Variants in NRXN1 observed in about 807,000 individuals in gnomAD.
NRXN1 encodes the protein neurexin-1.
Under a neutral mutation model 150.9 loss-of-function variants are expected in NRXN1, and 39 were observed. That is an observed-to-expected ratio of 0.26 (90% CI 0.20 to 0.34). NRXN1 has a LOEUF of 0.34. Ranked by LOEUF, NRXN1 falls within the 10% of genes least tolerant of loss-of-function variation. NRXN1 has a pLI of 1.00. For synonymous variants in NRXN1, 924 were observed against 757.0 expected, an observed-to-expected ratio of 1.22 and a Z score of -3.62; for missense variants, 1,815 against 1,949.9, an observed-to-expected ratio of 0.93 and a Z score of 1.30.
At chr2:50,771,962 G>C (rs952420927) in intron 5 of NRXN1, among the ~76,000 whole-genome samples, 1 of 152,054 alleles carries the variant, frequency 6.6e-6, no homozygotes, top group African/African-American at 2.4e-5. Flanking sequence ...TGCCATAGCA[G>C]GTAAGGGTCT....
intron 21 of NRXN1, among the ~76,000 whole-genome samples, chr2:50,044,919 AT>A (rs139438367): frequency 6.6e-6 from 1 of 152,276 alleles, no homozygotes; most frequent in Non-Finnish European, 1.5e-5. Flanking sequence ...TACACTGCCT[AT>A]TTTGTTTTGT....
chr2:50,725,726 A>G (rs1171809275), intron 5 of NRXN1, among the ~76,000 whole-genome samples: 1 of 152,210 alleles, frequency 6.6e-6, no homozygotes, highest in Non-Finnish European at 1.5e-5. Context: ...CATTACATAT[A>G]ACTACAAAAG....
intron 5 of NRXN1, among the ~76,000 whole-genome samples, chr2:50,770,415 C>T (rs1702875782): frequency 6.6e-6 from 1 of 151,764 alleles, no homozygotes; most frequent in African/African-American, 2.4e-5. Context: ...TGAATTCTGG[C>T]TCCATTAAAA....
chr2:50,201,745 G>A (rs1316031389), intron 18 of NRXN1, among the ~76,000 whole-genome samples: 1 of 152,152 alleles, frequency 6.6e-6, no homozygotes, highest in African/African-American at 2.4e-5. Context: ...ACTTAACTAA[G>A]CAGTTCAAGC....
chr2:51,019,503 G>A lies in NRXN1; in HGVS notation c.772+7999C>T, dbSNP rs568545243. Reference sequence around the variant, plus strand: ...AGGAGAGGCATCTAGTCCATTTTCTGAAATAACTTAATGTATAATATTTTG... The same window carrying A: ...AGGAGAGGCATCTAGTCCATTTTCTAAAATAACTTAATGTATAATATTTTG... On this transcript the variant is annotated intron_variant, in intron 2 of 22. Coordinates refer to ENST00000401669, the MANE Select transcript of NRXN1 (RefSeq NM_001330078.2). 1.6e-3 allele frequency among the ~76,000 whole-genome samples: 246 copies of A among 152,118 alleles called. 1 individual carries two copies. Among genetic ancestry groups the A allele is most frequent in the Non-Finnish European group, 2.9e-3 (199 of 67,958 alleles).
intron 17 of NRXN1, among the ~76,000 whole-genome samples, chr2:50,244,419 T>A (rs993881155): frequency 6.6e-6 from 1 of 151,892 alleles, no homozygotes; most frequent in African/African-American, 2.4e-5. Flanking sequence ...TGACTCTACA[T>A]AATCAATGAT....
At chr2:50,837,260 A>G (rs1672248038) in intron 5 of NRXN1, among the ~76,000 whole-genome samples, 1 of 152,192 alleles carries the variant, frequency 6.6e-6, no homozygotes. Context: ...ATTCTGAAGA[A>G]TAGCGCAAAA....
At chr2:50,283,702 C>T (rs1038137857) in intron 17 of NRXN1, among the ~76,000 whole-genome samples, 2 of 152,140 alleles carry the variant, frequency 1.3e-5, no homozygotes, top group South Asian at 4.1e-4. Context: ...AACTGTTACA[C>T]ATTTGAATCT....
Position 50,236,890 on chromosome 2 carries a change from C to T in NRXN1, c.3445G>A (p.Ala1149Thr). ...CTAAAACCTATGGCCAGTCTGTCTG[C>T]TCGTGTACTGGGTCGGTCATTAGGA... The part of the protein sequence containing the change: ...WPPNDRPSTR[A>T]DRLAIGFSTV... The change falls in exon 18 of 23, where the codon GCA (alanine) becomes ACA (threonine). Residue 1149 changes from alanine (A) to threonine (T), a missense_variant. Coordinates refer to ENST00000401669, the MANE Select transcript of NRXN1 (RefSeq NM_001330078.2). The T allele has an allele frequency of 1.2e-6, 2 of 1,613,340 alleles. No homozygotes were observed. Among genetic ancestry groups the T allele is most frequent in the East Asian group, 2.2e-5 (1 of 44,736 alleles).
intron 18 of NRXN1, among the ~76,000 whole-genome samples, chr2:50,187,368 A>G (rs1316802409): frequency 6.6e-6 from 1 of 152,124 alleles, no homozygotes; most frequent in Non-Finnish European, 1.5e-5. Context: ...ATTTCTCCAC[A>G]AAGAGCTCAT....
chr2:50,512,841 C>T (rs1373063814), intron 12 of NRXN1, among the ~76,000 whole-genome samples: 2 of 152,144 alleles, frequency 1.3e-5, no homozygotes, highest in Non-Finnish European at 2.9e-5. Flanking sequence ...GTACAATTTA[C>T]AAAGAACCTC....
At chr2:50,573,207 T>TA (rs929505477) in intron 8 of NRXN1, among the ~76,000 whole-genome samples, 6 of 151,706 alleles carry the variant, frequency 4.0e-5, no homozygotes, top group Non-Finnish European at 4.4e-5. Context: ...TCATCTCTAT[T>TA]AAAAAAATAG....
At chr2:50,817,394 G>A (rs1365685413) in intron 5 of NRXN1, among the ~76,000 whole-genome samples, 1 of 151,894 alleles carries the variant, frequency 6.6e-6, no homozygotes, top group Non-Finnish European at 1.5e-5. Context: ...GCCCAGATGA[G>A]ATGGTTGCAC....
Position 50,832,558 on chromosome 2 carries a change from C to A in NRXN1, c.832+89311G>T, listed in dbSNP as rs373118141. On this transcript the variant is annotated intron_variant, in intron 5 of 22. Coordinates refer to ENST00000401669, the MANE Select transcript of NRXN1 (RefSeq NM_001330078.2). ...ATCACAGCTACTCCAGAGGGTGAGG[C>A]AGGGGGAACTGCTTGAACCCAGTAG... Among the ~76,000 whole-genome samples the A allele has an allele frequency of 4.6e-5, 7 of 152,064 alleles. No individual in the cohort carries two copies. In the East Asian group the frequency reaches 1.4e-3, roughly 29 times the overall value.
At chr2:50,791,125 GT>G (rs535114226) in intron 5 of NRXN1, among the ~76,000 whole-genome samples, 72 of 131,928 alleles carry the variant, frequency 5.5e-4, no homozygotes, top group Middle Eastern at 4.1e-3. Context: ...CAATCAAAAT[GT>G]TTTTTTTTTT....
intron 5 of NRXN1, among the ~76,000 whole-genome samples, chr2:50,860,399 A>G (rs1436914189): frequency 6.6e-6 from 1 of 152,086 alleles, no homozygotes; most frequent in Non-Finnish European, 1.5e-5. Flanking sequence ...ATTTTAGAGA[A>G]GGGAGAAATT....
intron 2 of NRXN1, among the ~76,000 whole-genome samples, chr2:50,978,273 T>TATATATATATATATATAC (rs1696195813): frequency 4.4e-5 from 1 of 22,974 alleles, no homozygotes; most frequent in Non-Finnish European, 8.5e-5. Context: ...ATATTATACA[T>TATATATATATATATATAC]ATATATATAT....
intron 18 of NRXN1, among the ~76,000 whole-genome samples, chr2:50,173,245 G>A (rs927840034): frequency 3.3e-5 from 5 of 152,158 alleles, no homozygotes; most frequent in Non-Finnish European, 7.4e-5. Flanking sequence ...CAGACAAGAT[G>A]CAGACTATAA....
At chr2:50,812,465 G>A (rs1038291360) in intron 5 of NRXN1, among the ~76,000 whole-genome samples, 1 of 152,038 alleles carries the variant, frequency 6.6e-6, no homozygotes, top group Non-Finnish European at 1.5e-5. Flanking sequence ...TGAGATTTTG[G>A]TTTTAAGAAA....
Sources: allele counts gnomAD v4.1 joint callset (sites outside exome capture counted in the v4.1 genomes callset), GRCh38; gene constraint gnomAD v4.1.1; transcripts MANE v1.5; gene names NCBI Gene and HGNC (gene_info 2026-07-23, HGNC 2026-07-21).